TOX2: variants seen among roughly 807,000 people sequenced by gnomAD.
The protein encoded by TOX2 is TOX high mobility group box family member 2.
TOX2 carries 15 observed loss-of-function variants against 47.4 expected under a neutral mutation model. That is an observed-to-expected ratio of 0.32 (90% CI 0.21 to 0.49). TOX2 has a LOEUF of 0.49. TOX2 is among the 20% of genes least tolerant of loss of function. TOX2 has a pLI of 0.99. For synonymous variants in TOX2, 290 were observed against 296.6 expected, an observed-to-expected ratio of 0.98 and a Z score of 0.23; for missense variants, 622 against 673.1, an observed-to-expected ratio of 0.92 and a Z score of 0.84.
intron 3 of TOX2, among the ~76,000 whole-genome samples, chr20:44,009,360 G>C (rs2070742654): frequency 6.6e-6 from 1 of 151,724 alleles, no homozygotes; most frequent in African/African-American, 2.4e-5. Context: ...AGGGTGGGAG[G>C]AAACCAACTC....
chr20:43,952,949 G>A (rs2069606113), intron 1 of TOX2, among the ~76,000 whole-genome samples: 1 of 152,140 alleles, frequency 6.6e-6, no homozygotes, highest in Admixed American at 6.5e-5. Flanking sequence ...AGTATCATGG[G>A]TTGTCTGGGT....
At chr20:43,986,594 A>G (rs1427654832) in intron 2 of TOX2, among the ~76,000 whole-genome samples, 2 of 152,152 alleles carry the variant, frequency 1.3e-5, no homozygotes, top group East Asian at 3.9e-4. Context: ...AAAATTTATT[A>G]ACATGGTATA....
rs754682266 is a variant in TOX2, at chr20:44,006,645, C to T, written c.264C>T (p.His88=). The T allele has an allele frequency of 5.6e-6, 9 of 1,614,106 alleles. No homozygotes were observed. Among genetic ancestry groups the T allele is most frequent in the Middle Eastern group, 1.6e-4 (1 of 6,062 alleles). ...PEPSLLHLGD[H]EASYHSLCHG... ...CATCCCTCCTGCACCTGGGGGACCA[C>T]GAAGCCAGCTACCACTCGCTGTGCC... The change falls in exon 3 of 9, where the codon CAC becomes CAT. Residue 88 remains histidine (H), a synonymous_variant. Transcript: ENST00000341197.
intron 5 of TOX2, among the ~76,000 whole-genome samples, chr20:44,058,398 G>C (rs1315464031): frequency 6.6e-6 from 1 of 152,142 alleles, no homozygotes; most frequent in African/African-American, 2.4e-5. Flanking sequence ...TCTGCAGCAA[G>C]CCCCACCTAA....
intron 3 of TOX2, among the ~76,000 whole-genome samples, chr20:44,022,874 G>T (rs970172032): frequency 6.6e-6 from 1 of 152,138 alleles, no homozygotes; most frequent in Non-Finnish European, 1.5e-5. Context: ...TCCTCAGTGT[G>T]TTTCTATCAA....
rs545421441 is a variant in TOX2 at position 43,936,780 on chromosome 20, A to T, written c.99+21790A>T. 4.6e-5 allele frequency among the ~76,000 whole-genome samples: 7 copies of T among 152,360 alleles called. No individual in the cohort carries two copies. In the South Asian group the frequency reaches 1.2e-3, roughly 27 times the overall value. On this transcript the variant is annotated intron_variant, in intron 1 of 8. Transcript: ENST00000341197. ...GTTGTCCCATTTGTCAAATACAAGC[A>T]TATGGCCAAGCCCATATTCAAAGCA...
At chr20:43,943,649 A>C (rs1200348307) in intron 1 of TOX2, among the ~76,000 whole-genome samples, 1 of 151,610 alleles carries the variant, frequency 6.6e-6, no homozygotes, top group Non-Finnish European at 1.5e-5. Context: ...AGGGAACAAC[A>C]AAAAAAAAGT....
At chr20:44,058,582 G>C (rs764333308) in intron 5 of TOX2, among the ~76,000 whole-genome samples, 1 of 152,212 alleles carries the variant, frequency 6.6e-6, no homozygotes, top group Non-Finnish European at 1.5e-5. Context: ...CCTGGCTAGA[G>C]GCCAACCAAC....
At chr20:43,969,514 G>A (rs2069924120) in intron 1 of TOX2, among the ~76,000 whole-genome samples, 1 of 152,218 alleles carries the variant, frequency 6.6e-6, no homozygotes, top group Admixed American at 6.5e-5. Flanking sequence ...GGCTGCAGGG[G>A]TAAGCCCCAG....
intron 1 of TOX2, among the ~76,000 whole-genome samples, chr20:43,932,783 C>CACCCCG (rs11283632): frequency 6.7e-6 from 1 of 148,974 alleles, no homozygotes; most frequent in Non-Finnish European, 1.5e-5. Flanking sequence ...TGCCCCCCCC[C>CACCCCG]GCCATTTCTG....
intron 3 of TOX2, among the ~76,000 whole-genome samples, chr20:44,049,652 C>T (rs901319125): frequency 2.0e-5 from 3 of 152,108 alleles, no homozygotes; most frequent in African/African-American, 4.8e-5. Flanking sequence ...CCTCCCCTTG[C>T]CCCCTCAACG....
intron 3 of TOX2, among the ~76,000 whole-genome samples, chr20:44,048,388 T>TTGTATATATATATATA (rs1555845973): frequency 1.2e-5 from 1 of 86,872 alleles, no homozygotes; most frequent in African/African-American, 4.5e-5. Context: ...TAAAATGAAT[T>TTGTATATATATATATA]TATATATATA....
intron 1 of TOX2, among the ~76,000 whole-genome samples, chr20:43,927,631 C>CCTTT (rs1475942890): frequency 4.0e-4 from 47 of 116,162 alleles, no homozygotes; most frequent in African/African-American, 1.5e-3. Context: ...CTTCCTCCTT[C>CCTTT]CTTCCTTCCT....
At chr20:43,957,515 A>C (rs1050302818) in intron 1 of TOX2, among the ~76,000 whole-genome samples, 2 of 151,968 alleles carry the variant, frequency 1.3e-5, no homozygotes, top group African/African-American at 4.8e-5. Context: ...GATTGAGCAG[A>C]AGATCATGTG....
intron 1 of TOX2, among the ~76,000 whole-genome samples, chr20:43,948,352 A>C (rs765700585): frequency 8.5e-5 from 13 of 152,192 alleles, no homozygotes; most frequent in Non-Finnish European, 1.5e-4. Context: ...TTCCCTCAGA[A>C]GAAGAGTCCA....
chr20:43,976,791 C>CAT (rs199732251), intron 2 of TOX2, among the ~76,000 whole-genome samples: 3 of 149,736 alleles, frequency 2.0e-5, no homozygotes, highest in African/African-American at 7.6e-5. Flanking sequence ...CGCACACACA[C>CAT]ACACACACAC....
intron 3 of TOX2, among the ~76,000 whole-genome samples, chr20:44,045,066 T>A (rs1379360575): frequency 9.2e-5 from 14 of 152,156 alleles, no homozygotes; most frequent in African/African-American, 1.2e-4. Flanking sequence ...TAGTCATAGT[T>A]CTAGAGACAG....
chr20:43,945,796 T>G, intron 1 of TOX2: 1 of 1,427,656 alleles, frequency 7.0e-7, no homozygotes, highest in Non-Finnish European at 9.6e-7. Context: ...TTTCACCTTA[T>G]ACGAATGGGA....
At chr20:43,962,404 G>C (rs1248078310) in intron 1 of TOX2, among the ~76,000 whole-genome samples, 2 of 152,214 alleles carry the variant, frequency 1.3e-5, no homozygotes, top group African/African-American at 4.8e-5. Flanking sequence ...CAACTGTGAG[G>C]GGCTGAGGGG....
Sources: gnomAD v4.1 joint callset for allele counts (sites outside exome capture counted in the v4.1 genomes callset) on GRCh38, gnomAD v4.1.1 for gene constraint, MANE v1.5 for transcripts, NCBI Gene and HGNC (gene_info 2026-07-23, HGNC 2026-07-21) for gene names.